Variants in GABRR3 observed in about 807,000 individuals in gnomAD.
GABRR3 encodes gamma-aminobutyric acid type A receptor subunit rho3, also known as gamma-aminobutyric acid receptor subunit rho-3.
Under a neutral mutation model 43.2 loss-of-function variants are expected in GABRR3, and 29 were observed. That is an observed-to-expected ratio of 0.67 (90% confidence interval 0.50 to 0.92). The LOEUF (loss-of-function observed/expected upper bound fraction) is 0.92. Ranked by LOEUF, GABRR3 falls within the 40% of genes least tolerant of loss-of-function variation. GABRR3 has a pLI of 0.00. For missense variants in GABRR3, 576 were observed against 572.3 expected (o/e 1.01, Z -0.07); for synonymous variants, 206 against 195.9 (o/e 1.05, Z -0.43).
At chr3:98,014,981 T>G (rs1272531773) in intron 4 of GABRR3, among the ~76,000 whole-genome samples, 1 of 152,198 alleles carries the variant, frequency 6.6e-6, no homozygotes, top group African/African-American at 2.4e-5. Context: ...GTATCAACAA[T>G]ACTTATTCTA....
At chr3:98,022,719 A>G (rs1706963344) in intron 3 of GABRR3, among the ~76,000 whole-genome samples, 1 of 152,172 alleles carries the variant, frequency 6.6e-6, no homozygotes, top group Admixed American at 6.5e-5. Context: ...AGCCATTTGG[A>G]CACCATTTCA....
chr3:98,030,963 C>T (rs924733833), intron 2 of GABRR3, among the ~76,000 whole-genome samples: 18 of 152,196 alleles, frequency 1.2e-4, no homozygotes, highest in Non-Finnish European at 2.2e-4. Context: ...AATTTTTCAT[C>T]ACGAAGAAAA....
At chr3:98,024,656 C>G (rs1706990379) in intron 3 of GABRR3, among the ~76,000 whole-genome samples, 1 of 152,180 alleles carries the variant, frequency 6.6e-6, no homozygotes, top group Admixed American at 6.5e-5. Flanking sequence ...TTTCTTCTCA[C>G]CCTCATCCAT....
At chr3:98,012,560 G>A in exon 5 of GABRR3, 1 of 1,611,046 alleles carries the variant, frequency 6.2e-7, no homozygotes, top group Non-Finnish European at 8.5e-7. Flanking sequence ...AAAAGTCATT[G>A]TAAAGTCCTA....
At chr3:97,986,848 G>A (rs1706393046) in exon 10 of GABRR3, 1 of 1,612,444 alleles carries the variant, frequency 6.2e-7, no homozygotes, top group South Asian at 1.1e-5. Context: ...TGCTGGGGCT[G>A]CATATCGATT....
chr3:98,012,706 G>T (rs1350555624), intron 4 of GABRR3, 139 bp from the exon 5 acceptor site: 4 of 617,926 alleles, frequency 6.5e-6, no homozygotes, highest in Non-Finnish European at 1.1e-5. Flanking sequence ...GTTTCAAGTA[G>T]ATCTAGGATG....
At chr3:97,990,464 T>C (rs534556159) in intron 9 of GABRR3, among the ~76,000 whole-genome samples, 6 of 152,198 alleles carry the variant, frequency 3.9e-5, no homozygotes, top group South Asian at 4.2e-4. Flanking sequence ...TTCTCCTGCT[T>C]GAGCCTCCTG....
intron 7 of GABRR3, 109 bp downstream of exon 7, chr3:98,007,655 G>A: frequency 2.5e-6 from 3 of 1,180,428 alleles, no homozygotes; most frequent in Non-Finnish European, 3.7e-6. Flanking sequence ...TGATGGTGCT[G>A]GCCAAAGGGG....
Position 98,017,584 on chromosome 3 carries a change from C to T in GABRR3, c.306+71G>A. 3.9e-6 allele frequency: 4 copies of T among 1,013,294 alleles called. No homozygotes were observed. In the South Asian group the frequency reaches 4.2e-5, roughly 11 times the overall value. The allele number at this position is 1,013,294 out of a possible 1,614,324, so 62.8% of individuals were successfully genotyped here. ...ACATAATTAAAATGATTTATTAAAA[C>T]ACTAGTGATTTTGACACTGCCGAGT... On this transcript the variant is annotated intron_variant, in intron 4 of 9. Coordinates refer to ENST00000621172, the Ensembl canonical transcript of GABRR3.
intron 4 of GABRR3, 64 bp downstream of exon 4, chr3:98,017,591 G>T: frequency 8.8e-7 from 1 of 1,135,002 alleles, no homozygotes; most frequent in East Asian, 2.5e-5. Context: ...AAACACTAGT[G>T]ATTTTGACAC....
intron 9 of GABRR3, among the ~76,000 whole-genome samples, chr3:97,991,556 A>C (rs952968197): frequency 1.3e-5 from 2 of 152,218 alleles, no homozygotes; most frequent in Non-Finnish European, 2.9e-5. Context: ...ATCAGCTCTT[A>C]TTAGAGCTTT....
At chr3:97,986,195 T>G (rs768918805), downstream of GABRR3, among the ~76,000 whole-genome samples, 6 of 152,134 alleles carry the variant, frequency 3.9e-5, no homozygotes, top group Non-Finnish European at 7.4e-5. Context: ...GAATAAATAC[T>G]TGACTGGAGA....
In GABRR3 at chr3:98,012,332, A is replaced by T. The variant is rs1434679026; in HGVS notation, c.530+12T>A. The T allele has an allele frequency of 8.7e-6, 14 of 1,607,374 alleles. No homozygotes were observed. Among genetic ancestry groups the T allele is most frequent in the Non-Finnish European group, 1.1e-5 (13 of 1,174,528 alleles). The stretch of plus-strand genomic sequence containing the variant: ...TACAGGGAAGCCAAAGGCGATAGGC[A>T]GCTTTCCTTACCTGAGACTTAGGAG... On this transcript the variant is annotated intron_variant, in intron 5 of 9. Transcript: ENST00000621172.
chr3:98,008,857 T>A, intron 6 of GABRR3, 99 bp downstream of exon 6: 1 of 525,666 alleles, frequency 1.9e-6, no homozygotes, highest in Non-Finnish European at 3.2e-6. Context: ...AATATATCAG[T>A]ATTTTAAAAT....
intron 7 of GABRR3, among the ~76,000 whole-genome samples, chr3:98,006,683 AT>A (rs976897586): frequency 2.0e-5 from 3 of 152,212 alleles, no homozygotes; most frequent in Non-Finnish European, 2.9e-5. Flanking sequence ...TGGCCTAAGC[AT>A]GGCTGCATTG....
intron 3 of GABRR3, among the ~76,000 whole-genome samples, chr3:98,020,430 G>A (rs1403482557): frequency 2.5e-5 from 3 of 120,190 alleles, no homozygotes; most frequent in Non-Finnish European, 4.8e-5. Flanking sequence ...CCAATCCTAC[G>A]CACATTTAGA....
chr3:98,012,535 G>A, exon 5 of GABRR3: 2 of 1,613,908 alleles, frequency 1.2e-6, no homozygotes, highest in Non-Finnish European at 1.7e-6. Flanking sequence ...CGTCTTTCCA[G>A]TAATGCCTGA....
chr3:98,025,828 G>C (rs1707007893), intron 2 of GABRR3, 149 bp from the exon 3 acceptor site: 1 of 554,970 alleles, frequency 1.8e-6, no homozygotes, highest in Non-Finnish European at 3.1e-6. Context: ...CCAAAGAGCT[G>C]TCAACATTTG....
At chr3:97,999,012 A>T (rs1377718788) in intron 8 of GABRR3, 1 of 152,158 alleles carries the variant, frequency 6.6e-6, no homozygotes, top group African/African-American at 2.4e-5. Flanking sequence ...CTAAGGCCAT[A>T]GTTTGAGAAT....
Sources: allele counts gnomAD v4.1 joint callset (sites outside exome capture counted in the v4.1 genomes callset), GRCh38; gene constraint gnomAD v4.1.1; transcripts MANE v1.5; gene names NCBI Gene and HGNC (gene_info 2026-07-23, HGNC 2026-07-21).